The following ITPR2 variants were observed in gnomAD, a reference collection of about 807,000 sequenced individuals.
The protein encoded by ITPR2 is inositol 1,4,5-trisphosphate-gated calcium channel ITPR2.
In ITPR2, 207 loss-of-function variants were observed where a neutral mutation model predicts 317.1. That is an observed-to-expected ratio of 0.65 (90% CI 0.58 to 0.73). The LOEUF is 0.73. Among genes scored for constraint, ITPR2 ranks in the 30% least tolerant of loss-of-function variants. The pLI is 0.00. For missense variants in ITPR2, 2,613 were observed against 3,284.0 expected (o/e 0.80, Z 4.99); for synonymous variants, 1,156 against 1,149.1 (o/e 1.01, Z -0.12).
intron 21 of ITPR2, among the ~76,000 whole-genome samples, chr12:26,644,076 A>C (rs1166080375): frequency 6.6e-6 from 1 of 152,178 alleles, no homozygotes; most frequent in African/African-American, 2.4e-5. Context: ...AAAACAATGG[A>C]AGAATGACCC....
chr12:26,457,362 C>T (rs541104591), intron 45 of ITPR2, among the ~76,000 whole-genome samples: 85 of 152,144 alleles, frequency 5.6e-4, no homozygotes, highest in Admixed American at 1.3e-3. Context: ...CGAAAGTGGC[C>T]AGAGAGAGGG....
chr12:26,573,514 T>C (rs2137059617), intron 34 of ITPR2, among the ~76,000 whole-genome samples: 1 of 152,034 alleles, frequency 6.6e-6, no homozygotes, highest in South Asian at 2.1e-4. Flanking sequence ...TGCTTTCAAA[T>C]AGTGACAAGA....
At chr12:26,626,273 A>G (rs906868306) in intron 23 of ITPR2, among the ~76,000 whole-genome samples, 5 of 152,262 alleles carry the variant, frequency 3.3e-5, no homozygotes, top group Admixed American at 2.6e-4. Context: ...CCAAGGTAAC[A>G]TGTTTAAATG....
intron 55 of ITPR2, among the ~76,000 whole-genome samples, chr12:26,371,995 T>G (rs1565492689): frequency 6.6e-6 from 1 of 152,218 alleles, no homozygotes; most frequent in Non-Finnish European, 1.5e-5. Flanking sequence ...AGGAACTCCT[T>G]ACCCTGAGAA....
intron 30 of ITPR2, among the ~76,000 whole-genome samples, chr12:26,598,465 G>A (rs1212253360): frequency 3.3e-5 from 5 of 152,116 alleles, no homozygotes; most frequent in African/African-American, 1.2e-4. Flanking sequence ...AGAACCATTT[G>A]GTCACAGAGC....
At chr12:26,556,904 C>A (rs1944679334) in intron 35 of ITPR2, among the ~76,000 whole-genome samples, 2 of 151,852 alleles carry the variant, frequency 1.3e-5, no homozygotes, top group Admixed American at 6.6e-5. Context: ...CATGGTGAAA[C>A]CATGTCTCTA....
At chr12:26,526,727 G>A (rs964350505) in intron 37 of ITPR2, among the ~76,000 whole-genome samples, 2 of 152,198 alleles carry the variant, frequency 1.3e-5, no homozygotes, top group African/African-American at 2.4e-5. Flanking sequence ...TCTTGGACCA[G>A]GATAACGGGT....
chr12:26,425,940 A>C (rs570397799), intron 49 of ITPR2, among the ~76,000 whole-genome samples: 1 of 152,338 alleles, frequency 6.6e-6, no homozygotes, highest in African/African-American at 2.4e-5. Context: ...ATGAGGGGAA[A>C]AAATGCTCCA....
Position 26,475,501 on chromosome 12 carries a change from A to C in ITPR2, c.6220-83T>G, listed in dbSNP as rs1591814953. 3 of 1,445,658 alleles carry C rather than the reference A, an allele frequency of 2.1e-6. No individual in the cohort carries two copies. In the East Asian group the frequency reaches 7.1e-5, roughly 34 times the overall value. The allele number at this position is 1,445,658 out of a possible 1,614,324, so 89.6% of individuals were successfully genotyped here. A position where few individuals can be genotyped will look rare whatever the true frequency, so the allele number is the denominator to read the frequency against. On this transcript the variant is annotated intron_variant, in intron 44 of 56. Coordinates refer to ENST00000381340, the MANE Select transcript of ITPR2 (RefSeq NM_002223.4). ...TATGAGATTTAATTAAAAATTGGGC[A>C]GCTTCATAAGCCTCAAAAGTATAAA...
In ITPR2 at chr12:26,415,368, A is replaced by T. The variant is rs1940689481; in HGVS notation, c.7241T>A (p.Phe2414Tyr). 6.2e-7 allele frequency: 1 copy of T among 1,612,608 alleles called. No individual in the cohort carries two copies. The highest frequency in any genetic ancestry group is 8.5e-7 in the Non-Finnish European group (1 of 1,179,246). ...ILVYLFSIIG[F>Y]LFLKDDFTME... is the part of the protein sequence containing the mutation. ...AGTGAAGTCATCCTTCAAAAAAAGG[A>T]ACCCAATAATGGAAAACAGGTAGAC... The change falls in exon 51 of 57, where the codon TTC becomes TAC. Residue 2414 changes from phenylalanine (F) to tyrosine (Y), a missense_variant. Around this residue, in one of 9 missense-constraint regions of ITPR2, gnomAD observed 14 missense variants for 48.2 expected, o/e 0.29. Coordinates refer to ENST00000381340, the MANE Select transcript of ITPR2 (RefSeq NM_002223.4).
chr12:26,425,809 A>G (rs1941042946), intron 49 of ITPR2, among the ~76,000 whole-genome samples: 1 of 152,246 alleles, frequency 6.6e-6, no homozygotes, highest in African/African-American at 2.4e-5. Flanking sequence ...GCATATCTAC[A>G]TGTATATTCT....
chr12:26,382,947 T>C (rs375180256), intron 55 of ITPR2, among the ~76,000 whole-genome samples: 2 of 152,340 alleles, frequency 1.3e-5, no homozygotes, highest in South Asian at 2.1e-4. Flanking sequence ...TGCTATGGCT[T>C]GGATATGGTT....
At chr12:26,561,283 C>A (rs1294033947) in intron 35 of ITPR2, among the ~76,000 whole-genome samples, 3 of 152,202 alleles carry the variant, frequency 2.0e-5, no homozygotes, top group Non-Finnish European at 4.4e-5. Context: ...AAATAAATTT[C>A]TGTTGTTTAA....
chr12:26,445,336 A>G (rs1187506909), intron 45 of ITPR2, among the ~76,000 whole-genome samples: 1 of 152,172 alleles, frequency 6.6e-6, no homozygotes, highest in Non-Finnish European at 1.5e-5. Context: ...GGCAGAGGTC[A>G]GTGCTGGAGC....
At chr12:26,552,405 G>T (rs973769885) in intron 36 of ITPR2, among the ~76,000 whole-genome samples, 1 of 152,068 alleles carries the variant, frequency 6.6e-6, no homozygotes. Flanking sequence ...GCCCAGGCTG[G>T]TTTCAAACTC....
intron 1 of ITPR2, among the ~76,000 whole-genome samples, chr12:26,798,154 C>A (rs891957660): frequency 1.1e-4 from 16 of 152,166 alleles, no homozygotes; most frequent in Non-Finnish European, 2.4e-4. Flanking sequence ...CACAGGCCCC[C>A]ACAACCCTGG....
At chr12:26,413,152 A>G (rs75361082) in intron 51 of ITPR2, among the ~76,000 whole-genome samples, 3,256 of 152,288 alleles carry the variant, frequency 0.021, 111 homozygotes, top group East Asian at 0.17. Flanking sequence ...CTTTTCTAAG[A>G]CACCAATTTT....
At chr12:26,701,110 G>C (rs1273498093) in intron 9 of ITPR2, among the ~76,000 whole-genome samples, 1 of 152,110 alleles carries the variant, frequency 6.6e-6, no homozygotes, top group Non-Finnish European at 1.5e-5. Context: ...ACTGGCCAAA[G>C]AAGAATATAA....
At chr12:26,410,059 T>C (rs997830681) in intron 52 of ITPR2, among the ~76,000 whole-genome samples, 3 of 152,188 alleles carry the variant, frequency 2.0e-5, no homozygotes, top group Admixed American at 6.5e-5. Context: ...TAAACTCCAG[T>C]ATCCAGAACA....
Sources: allele counts gnomAD v4.1 joint callset (sites outside exome capture counted in the v4.1 genomes callset), GRCh38; gene constraint gnomAD v4.1.1; regional missense constraint gnomAD v4.1.1; transcripts MANE v1.5; gene names NCBI Gene and HGNC (gene_info 2026-07-23, HGNC 2026-07-21).